Variants in TPM1 observed in about 807,000 individuals in gnomAD.
TPM1 encodes tropomyosin 1.
Under a neutral mutation model 42.9 loss-of-function variants are expected in TPM1, and 24 were observed. That is an observed-to-expected ratio of 0.56 (90% CI 0.41 to 0.79). The LOEUF (loss-of-function observed/expected upper bound fraction) is 0.79. Ranked by LOEUF, TPM1 falls within the 30% of genes least tolerant of loss-of-function variation. TPM1 has a pLI of 0.00. For synonymous variants in TPM1, 136 were observed against 130.1 expected (o/e 1.05, Z -0.31); for missense variants, 158 against 351.8 (o/e 0.45, Z 4.41).
chr15:63,047,093 G>A (rs1317921834), intron 2 of TPM1: 1 of 152,266 alleles, frequency 6.6e-6, no homozygotes, highest in Non-Finnish European at 1.5e-5. Flanking sequence ...TCTCAATGTT[G>A]GAGGCCCACA....
chr15:63,051,966 C>G (rs1377406059), intron 2 of TPM1, among the ~76,000 whole-genome samples: 2 of 136,156 alleles, frequency 1.5e-5, no homozygotes, highest in Non-Finnish European at 3.1e-5. Flanking sequence ...CCCTTGATTT[C>G]TATATAGTAC....
downstream of TPM1, among the ~76,000 whole-genome samples, chr15:63,068,886 T>C (rs2036434703): frequency 6.6e-6 from 1 of 152,158 alleles, no homozygotes; most frequent in Non-Finnish European, 1.5e-5. Flanking sequence ...CGGTGGCTCA[T>C]GCCTGTAATC....
At chr15:63,068,453 A>T (rs756832502), downstream of TPM1, among the ~76,000 whole-genome samples, 7 of 152,226 alleles carry the variant, frequency 4.6e-5, no homozygotes, top group Admixed American at 4.6e-4. Flanking sequence ...CATAACGAGC[A>T]TAGCATCCTC....
At chr15:63,071,262 T>G in exon 9 of TPM1, 1 of 1,406,556 alleles carries the variant, frequency 7.1e-7, no homozygotes, top group Non-Finnish European at 9.9e-7. Context: ...TTATTTACTT[T>G]TACCACTGTC....
At chr15:63,048,045 T>A (rs1447452064) in intron 2 of TPM1, 2 of 339,240 alleles carry the variant, frequency 5.9e-6, no homozygotes, top group Admixed American at 7.9e-5. Flanking sequence ...ATCAGGCCCT[T>A]TAGGGCATAT....
downstream of TPM1, among the ~76,000 whole-genome samples, chr15:63,069,062 AGAT>A (rs556376448): frequency 0.012 from 1,833 of 152,240 alleles, 15 homozygotes; most frequent in Non-Finnish European, 0.018. Flanking sequence ...CTGAGGCAGG[AGAT>A]TGGCATGAAC....
intron 2 of TPM1, among the ~76,000 whole-genome samples, chr15:63,055,410 G>A (rs563851326): frequency 2.0e-5 from 3 of 152,332 alleles, no homozygotes; most frequent in Admixed American, 2.0e-4. Flanking sequence ...TGAGCAAAGA[G>A]CTGAAGGTTC....
downstream of TPM1, chr15:63,070,949 A>G (rs1419153258): frequency 6.7e-7 from 1 of 1,489,632 alleles, no homozygotes; most frequent in Non-Finnish European, 8.9e-7. Flanking sequence ...TTGTCTAGAA[A>G]TGAGTAATGT....
chr15:63,067,422 T>C (rs1419790451), downstream of TPM1, among the ~76,000 whole-genome samples: 3 of 152,214 alleles, frequency 2.0e-5, no homozygotes, highest in African/African-American at 7.2e-5. Context: ...TCCTTCCTCA[T>C]TCTTTTTTAA....
chr15:63,062,499 A>G lies in TPM1; in HGVS notation c.703-77A>G, dbSNP rs552224375. ...TTTATAGGTGATGTGCTTCATTTTC[A>G]TCCTCTAGTTTTCCCTATGTTTGTA... On this transcript the variant is annotated intron_variant, in intron 7 of 9. Coordinates refer to ENST00000403994, the MANE Select transcript of TPM1 (RefSeq NM_001018005.2). The G allele has an allele frequency of 1.2e-5, 19 of 1,532,108 alleles. No homozygotes were observed. The African/African-American group carries it at 1.6e-4, about 13-fold the overall frequency. 94.9% of individuals were successfully genotyped at this position (1,532,108 alleles called of 1,614,324 possible). A position where few individuals can be genotyped will look rare whatever the true frequency, so the allele number is the denominator to read the frequency against.
At chr15:63,062,147 CT>C in intron 6 of TPM1, 67 bp from the exon 7 acceptor site, 1 of 1,462,350 alleles carries the variant, frequency 6.8e-7, no homozygotes, top group East Asian at 2.3e-5. Flanking sequence ...CTGGCGAGTT[CT>C]TTGCATGAGA....
chr15:63,059,065 T>TTA (rs1445207572), intron 3 of TPM1, among the ~76,000 whole-genome samples: 1 of 152,242 alleles, frequency 6.6e-6, no homozygotes. Context: ...TAATAGTTTA[T>TTA]TAAATCTAAC....
chr15:63,070,906 G>C, downstream of TPM1: 2 of 1,388,230 alleles, frequency 1.4e-6, no homozygotes, highest in Non-Finnish European at 1.9e-6. Context: ...GGCTCCTTTG[G>C]GTCAAAGATG....
intron 2 of TPM1, chr15:63,044,445 T>A (rs548425419): frequency 4.0e-5 from 24 of 596,042 alleles, no homozygotes; most frequent in Middle Eastern, 4.4e-4. Context: ...GAGGTGAACT[T>A]CACCTCCCTG....
chr15:63,058,216 T>G (rs1029577822), intron 3 of TPM1, among the ~76,000 whole-genome samples: 3 of 152,186 alleles, frequency 2.0e-5, no homozygotes, highest in African/African-American at 7.2e-5. Flanking sequence ...AATATACTTG[T>G]TAGTGTACCT....
intron 2 of TPM1, chr15:63,046,110 T>G (rs2032326128): frequency 6.6e-6 from 1 of 152,236 alleles, no homozygotes; most frequent in South Asian, 2.1e-4. Context: ...CTAGAGGGTA[T>G]AGCCTACTAA....
chr15:63,056,711 A>G, intron 2 of TPM1: 1 of 444,236 alleles, frequency 2.3e-6, no homozygotes, highest in Non-Finnish European at 4.2e-6. Flanking sequence ...GAAGAAAGGA[A>G]CCATGTGAAA....
At chr15:63,051,424 C>G (rs570374605) in intron 2 of TPM1, among the ~76,000 whole-genome samples, 1 of 152,156 alleles carries the variant, frequency 6.6e-6, no homozygotes, top group Non-Finnish European at 1.5e-5. Context: ...ATGCCTTGTT[C>G]ATGTCTGTTC....
chr15:63,050,040 G>A (rs936324728), intron 2 of TPM1, among the ~76,000 whole-genome samples: 1 of 152,232 alleles, frequency 6.6e-6, no homozygotes, highest in African/African-American at 2.4e-5. Context: ...TAATCTCTGT[G>A]TTTCAGTTCC....
Sources: gnomAD v4.1 joint callset for allele counts (sites outside exome capture counted in the v4.1 genomes callset) on GRCh38, gnomAD v4.1.1 for gene constraint, MANE v1.5 for transcripts, NCBI Gene and HGNC (gene_info 2026-07-23, HGNC 2026-07-21) for gene names.